NALCN: variants seen among roughly 807,000 people sequenced by gnomAD.
The protein encoded by NALCN is sodium leak channel, non-selective.
NALCN carries 111 observed loss-of-function variants against 225.3 expected under a neutral mutation model. The observed-to-expected ratio is 0.49, with a 90% CI of 0.42 to 0.58. NALCN has a LOEUF of 0.58. Ranked by LOEUF, NALCN falls within the 20% of genes least tolerant of loss-of-function variation. The pLI, the probability that NALCN is intolerant of heterozygous loss-of-function variation, is 0.00. For missense variants in NALCN, 1,378 were observed against 2,202.4 expected, an observed-to-expected ratio of 0.63 and a Z score of 7.49; for synonymous variants, 764 against 769.0, an observed-to-expected ratio of 0.99 and a Z score of 0.11.
chr13:101,269,540 C>T (rs1426845343), intron 10 of NALCN, among the ~76,000 whole-genome samples: 1 of 152,168 alleles, frequency 6.6e-6, no homozygotes, highest in Non-Finnish European at 1.5e-5. Context: ...GATGCTGTAA[C>T]CTAGATGGTG....
Position 101,082,795 on chromosome 13 carries a change from A to G in NALCN, c.3765+14T>C. The G allele has an allele frequency of 6.2e-7, 1 of 1,613,916 alleles. No homozygotes were observed. The highest frequency in any genetic ancestry group is 8.5e-7 in the Non-Finnish European group (1 of 1,179,770). ...GCACAGATTCCCCCAGAGCTAGCTG[A>G]CTCATTACAGTACCTCCAGAACAAA... On this transcript the variant is annotated intron_variant, in intron 33 of 43. Transcript: ENST00000251127.
At chr13:101,338,861 A>G (rs561252535) in intron 7 of NALCN, among the ~76,000 whole-genome samples, 1 of 152,348 alleles carries the variant, frequency 6.6e-6, no homozygotes, top group African/African-American at 2.4e-5. Flanking sequence ...AGTATGGTGG[A>G]CATCTGCAAA....
intron 13 of NALCN, among the ~76,000 whole-genome samples, chr13:101,211,316 T>C (rs1349532118): frequency 2.0e-5 from 3 of 151,984 alleles, no homozygotes; most frequent in Non-Finnish European, 4.4e-5. Flanking sequence ...GCTGCAAAAA[T>C]AGGTTCTCCC....
Position 101,160,156 on chromosome 13 carries a change from A to G in NALCN, c.1840-15260T>C, listed in dbSNP as rs182271955. The stretch of plus-strand genomic sequence containing the variant: ...TTTTTAGTAGAGACAGGGTTTCACC[A>G]TGTTAGCCAGGATGGTCTCGATCTC... On this transcript the variant is annotated intron_variant, in intron 15 of 43. Coordinates refer to ENST00000251127, the MANE Select transcript of NALCN (RefSeq NM_052867.4). Among the ~76,000 whole-genome samples, 548 of 152,110 alleles carry G rather than the reference A, an allele frequency of 3.6e-3. 3 individuals carry two copies. The highest frequency in any genetic ancestry group is 7.0e-3 in the East Asian group (36 of 5,162).
intron 6 of NALCN, among the ~76,000 whole-genome samples, chr13:101,374,923 A>G (rs1245572732): frequency 2.0e-5 from 3 of 152,228 alleles, no homozygotes; most frequent in Non-Finnish European, 4.4e-5. Context: ...TGCATGAATT[A>G]GAAATTCAAT....
intron 6 of NALCN, among the ~76,000 whole-genome samples, chr13:101,365,510 G>A (rs7993037): frequency 0.29 from 44,313 of 151,890 alleles, 7,110 homozygotes; most frequent in African/African-American, 0.43. Flanking sequence ...TAATTTAGTT[G>A]ATAAATTTTA....
chr13:101,304,491 C>A (rs556011562), intron 7 of NALCN, among the ~76,000 whole-genome samples: 5 of 151,394 alleles, frequency 3.3e-5, no homozygotes, highest in Non-Finnish European at 7.4e-5. Flanking sequence ...GGGTTTGGCT[C>A]TGTCACCCAG....
At chr13:101,185,250 A>G (rs1172199807) in intron 14 of NALCN, among the ~76,000 whole-genome samples, 1 of 152,218 alleles carries the variant, frequency 6.6e-6, no homozygotes, top group Non-Finnish European at 1.5e-5. Flanking sequence ...TTTAATTTAC[A>G]CTTTGGAATG....
chr13:101,143,257 T>A, intron 16 of NALCN, 36 bp from the exon 17 acceptor site: 1 of 1,563,530 alleles, frequency 6.4e-7, no homozygotes, highest in South Asian at 1.2e-5. Flanking sequence ...CAGGCATTAT[T>A]AGTGGAAGGG....
Position 101,254,657 on chromosome 13 carries a change from C to T in NALCN, c.1266+3786G>A, listed in dbSNP as rs1373652231. 6.2e-4 allele frequency among the ~76,000 whole-genome samples: 45 copies of T among 72,586 alleles called. 7 individuals are homozygous for T. The highest frequency in any genetic ancestry group is 1.5e-3 in the African/African-American group (38 of 26,184). The allele number at this position is 72,586 out of a possible 152,430, so 47.6% of individuals were successfully genotyped here. On this transcript the variant is annotated intron_variant, in intron 11 of 43. Transcript: ENST00000251127. ...CTGTAATCCCAGCACTTTGGGAGGCCGAGGCGGGCGGATCACGAGGTCAGG... is the reference window on the plus strand; with the variant it reads ...CTGTAATCCCAGCACTTTGGGAGGCTGAGGCGGGCGGATCACGAGGTCAGG...
intron 7 of NALCN, among the ~76,000 whole-genome samples, chr13:101,300,468 T>G (rs536511572): frequency 1.3e-5 from 2 of 151,510 alleles, no homozygotes; most frequent in South Asian, 4.2e-4. Flanking sequence ...TTTCTTTTTC[T>G]GAGATGGAGT....
chr13:101,118,728 G>A (rs548502288), intron 18 of NALCN, among the ~76,000 whole-genome samples: 1 of 152,254 alleles, frequency 6.6e-6, no homozygotes, highest in African/African-American at 2.4e-5. Flanking sequence ...CTTAAAACTT[G>A]GGGTTATTCA....
At chr13:101,294,246 T>G (rs979375605) in intron 7 of NALCN, among the ~76,000 whole-genome samples, 2 of 152,184 alleles carry the variant, frequency 1.3e-5, no homozygotes, top group African/African-American at 4.8e-5. Flanking sequence ...AAGGAATAAG[T>G]TGTAATGTTC....
At chr13:101,298,967 A>G in intron 7 of NALCN, among the ~76,000 whole-genome samples, 1 of 152,258 alleles carries the variant, frequency 6.6e-6, no homozygotes, top group East Asian at 1.9e-4. Context: ...AATTTATATT[A>G]AGTATTTTTG....
chr13:101,142,960 CATTTT>C (rs763263890), intron 17 of NALCN, 115 bp downstream of exon 17: 2 of 1,307,638 alleles, frequency 1.5e-6, no homozygotes, highest in Non-Finnish European at 2.2e-6. Flanking sequence ...CAAATGAAAT[CATTTT>C]ATTTTCATTA....
At chr13:101,118,664 T>G (rs767118426) in intron 18 of NALCN, among the ~76,000 whole-genome samples, 7 of 152,210 alleles carry the variant, frequency 4.6e-5, no homozygotes, top group Non-Finnish European at 8.8e-5. Flanking sequence ...CCAGGCAGAC[T>G]TCATAGAATT....
intron 40 of NALCN, among the ~76,000 whole-genome samples, chr13:101,062,760 C>T (rs668022): frequency 0.07 from 10,638 of 151,978 alleles, 987 homozygotes; most frequent in African/African-American, 0.21. Flanking sequence ...TGTGCCACCA[C>T]GCCCAGCTAG....
chr13:101,348,907 T>C (rs2045825286), intron 6 of NALCN, among the ~76,000 whole-genome samples: 1 of 152,188 alleles, frequency 6.6e-6, no homozygotes, highest in Non-Finnish European at 1.5e-5. Context: ...TCAGAATATA[T>C]ATTTGTTAAT....
At chr13:101,305,141 C>T (rs2044114290) in intron 7 of NALCN, among the ~76,000 whole-genome samples, 1 of 152,186 alleles carries the variant, frequency 6.6e-6, no homozygotes, top group African/African-American at 2.4e-5. Context: ...TTTTATGAAC[C>T]TCTGTACTAG....
Sources: allele counts gnomAD v4.1 joint callset (sites outside exome capture counted in the v4.1 genomes callset), GRCh38; gene constraint gnomAD v4.1.1; transcripts MANE v1.5; gene names NCBI Gene and HGNC (gene_info 2026-07-23, HGNC 2026-07-21).